The following CDH16 variants were observed in gnomAD, a reference collection of about 807,000 sequenced individuals.
CDH16 encodes cadherin 16.
Under a neutral mutation model 87.6 loss-of-function variants are expected in CDH16, and 79 were observed. That is an observed-to-expected ratio of 0.90 (90% CI 0.75 to 1.09). CDH16 has a LOEUF of 1.09. CDH16 is among the 50% of genes least tolerant of loss of function. CDH16 has a pLI of 0.00. For synonymous variants in CDH16, 457 were observed against 439.5 expected, an observed-to-expected ratio of 1.04 and a Z score of -0.50; for missense variants, 1,124 against 1,071.7, an observed-to-expected ratio of 1.05 and a Z score of -0.68.
At chr16:66,917,413 T>C (rs1347899539) in intron 3 of CDH16, among the ~76,000 whole-genome samples, 1 of 152,110 alleles carries the variant, frequency 6.6e-6, no homozygotes, top group African/African-American at 2.4e-5. Context: ...TATCTCATGA[T>C]ATATATGCAA....
At position 66,916,946 on chromosome 16, in the gene CDH16, C is replaced by A. The variant is rs573591137; in HGVS notation, c.130-517G>T. 6.6e-6 allele frequency among the ~76,000 whole-genome samples: 1 copy of A among 152,260 alleles called. No individual in the cohort carries two copies. The highest frequency in any genetic ancestry group is 2.1e-4 in the South Asian group (1 of 4,828). On this transcript the variant is annotated intron_variant, in intron 3 of 17. Coordinates refer to ENST00000299752, the MANE Select transcript of CDH16 (RefSeq NM_004062.4). This position sits in a 1 kb window ranked among gnomAD's most constrained non-coding sequence, Gnocchi z 4.1. ...CAGACTCACACTGGGCTCTTGGCCA[C>A]TCAAGGATTCTGTCGGAATTTCACC...
At position 66,910,077 on chromosome 16, in the gene CDH16, G is replaced by T. The variant is rs751389182; in HGVS notation, c.2184C>A (p.Leu728=). ...LQTLNGSHAY[L]TLALHWVEPR... The stretch of plus-strand genomic sequence containing the variant: ...GCTCCACCCAATGCAGGGCCAAGGT[G>T]AGGTAGGCATGGGAACCTTTTGGGA... Residue 728 remains leucine, a synonymous_variant, in exon 16 of 18, where the codon CTC becomes CTA. Coordinates refer to ENST00000299752, the MANE Select transcript of CDH16 (RefSeq NM_004062.4). The T allele has an allele frequency of 5.0e-6, 8 of 1,612,216 alleles. No individual in the cohort carries two copies. In the East Asian group the frequency reaches 1.3e-4, roughly 27 times the overall value.
At position 66,915,303 on chromosome 16, in the gene CDH16, A is replaced by C; in HGVS notation, c.500T>G (p.Ile167Ser). 6.2e-7 allele frequency: 1 copy of C among 1,613,816 alleles called. No homozygotes were observed. Among genetic ancestry groups the C allele is most frequent in the Non-Finnish European group, 8.5e-7 (1 of 1,179,966 alleles). Reference protein sequence around the residue: ...GTANSDLRFHILSQAPAQPSP... With the variant: ...GTANSDLRFHSLSQAPAQPSP... ...AGGCTGGGCTGGAGCCTGGCTCAGG[A>C]TGTGGAATCGAAGATCCGAGTTGGC... is the stretch of plus-strand genomic sequence containing the variant. Residue 167 changes from isoleucine to serine, a missense_variant, in exon 6 of 18, where the codon ATC becomes AGC. Coordinates refer to ENST00000299752, the MANE Select transcript of CDH16 (RefSeq NM_004062.4).
Position 66,912,367 on chromosome 16 carries a change from T to C in CDH16, c.1423A>G (p.Ile475Val). The C allele has an allele frequency of 1.9e-6, 3 of 1,614,164 alleles. No homozygotes were observed. ...PGTLVAMLTAIDADLEPAFRL... is the reference protein window; with the variant it reads ...PGTLVAMLTAVDADLEPAFRL... ...AAGGCGGGCTCGAGGTCAGCATCAA[T>C]GGCTGTTAGCATGGCCACCAGAGTC... Residue 475 changes from isoleucine (I) to valine (V), a missense_variant, in exon 12 of 18, where the codon ATT becomes GTT. Physicochemically the swap from Ile to Val is conservative, Grantham distance 29. Transcript: ENST00000299752.
chr16:66,916,738 A>C lies in CDH16; in HGVS notation c.130-309T>G, dbSNP rs1962700492. ...AAAATCTGTTAGTCATTCCCACTGC[A>C]GGTTGAGCATCTCTAACCCGAAAAT... is the stretch of plus-strand genomic sequence containing the variant. On this transcript the variant is annotated intron_variant, in intron 3 of 17. Transcript: ENST00000299752. This position sits in a 1 kb window ranked among gnomAD's most constrained non-coding sequence, Gnocchi z 4.1. Among the ~76,000 whole-genome samples the C allele has an allele frequency of 6.6e-6, 1 of 152,340 alleles. No individual in the cohort carries two copies. Among genetic ancestry groups the C allele is most frequent in the South Asian group, 2.1e-4 (1 of 4,830 alleles).
chr16:66,916,128 C>G lies in CDH16; in HGVS notation c.361G>C (p.Asp121His). ...PVLVHVKDEN[D>H]QVPHFSQAIY... ...GCTTGAGAGAAATGGGGCACCTGGT[C>G]ATTCTCATCCTTCACGTGCACAAGC... The change falls in exon 5 of 18, where the codon GAC becomes CAC. Residue 121 changes from aspartate (D) to histidine (H), a missense_variant. By Grantham distance (81) the Asp-to-His change is moderately conservative (BLOSUM62 -1). Transcript: ENST00000299752. The surrounding 1 kb of genome is among the most constrained non-coding windows in gnomAD (Gnocchi z 4.1). 1 of 1,614,234 alleles carries G rather than the reference C, an allele frequency of 6.2e-7. No homozygotes were observed. The highest frequency in any genetic ancestry group is 8.5e-7 in the Non-Finnish European group (1 of 1,180,054).
intron 9 of CDH16, 62 bp downstream of exon 9, chr16:66,913,069 C>A: frequency 6.4e-7 from 1 of 1,551,580 alleles, no homozygotes; most frequent in Admixed American, 1.8e-5. Flanking sequence ...GTCCTTATCC[C>A]AGAGAAGAGC....
Position 66,911,211 on chromosome 16 carries a change from T to C in CDH16, c.1895A>G (p.Tyr632Cys). 1.9e-6 allele frequency: 3 copies of C among 1,613,472 alleles called. No homozygotes were observed. Among genetic ancestry groups the C allele is most frequent in the Non-Finnish European group, 2.5e-6 (3 of 1,179,804 alleles). ...ATCCTGGGCCTCCACAAGCACCGTGTAGGTGTCCCCAGGCTGGGCGCCCTG... is the reference window on the plus strand; with the variant it reads ...ATCCTGGGCCTCCACAAGCACCGTGCAGGTGTCCCCAGGCTGGGCGCCCTG... ...SLQGAQPGDT[Y>C]TVLVEAQDTD... The change falls in exon 14 of 18, where the codon TAC becomes TGC. Residue 632 changes from tyrosine to cysteine, a missense_variant. Physicochemically the swap from Tyr to Cys is radical, Grantham distance 194. Transcript: ENST00000299752.
At chr16:66,918,141 A>T (rs1962771544) in intron 1 of CDH16, 63 bp from the exon 2 acceptor site, 4 of 1,159,284 alleles carry the variant, frequency 3.5e-6, no homozygotes, top group Non-Finnish European at 4.9e-6. Flanking sequence ...CATCCCACAC[A>T]CACAACTAGT....
In CDH16 at chr16:66,917,709, T is replaced by C. The variant is rs774663057; in HGVS notation, c.62A>G (p.Gln21Arg). ...AACTTCCACAGACAGCTCTGCAGGC[T>C]GGGCCTTGGGGAGAGCCTGTGGGAG... ...VSVPQALPKA[Q>R]PAELSVEVPE... The change falls in exon 3 of 18, where the codon CAG becomes CGG. Residue 21 changes from glutamine (Q) to arginine (R), a missense_variant. Coordinates refer to ENST00000299752, the MANE Select transcript of CDH16 (RefSeq NM_004062.4). 1 of 1,612,146 alleles carries C rather than the reference T, an allele frequency of 6.2e-7. No homozygotes were observed.
chr16:66,912,957 C>T, intron 9 of CDH16, 66 bp from the exon 10 acceptor site: 2 of 1,486,406 alleles, frequency 1.3e-6, no homozygotes, highest in Admixed American at 1.7e-5. Flanking sequence ...CCACCCACTC[C>T]TTATTTTGTG....
Position 66,908,480 on chromosome 16 carries a change from A to G in CDH16, c.2402T>C (p.Leu801Pro), listed in dbSNP as rs1276589378. 1.9e-6 allele frequency: 3 copies of G among 1,613,806 alleles called. No individual in the cohort carries two copies. Among genetic ancestry groups the G allele is most frequent in the Non-Finnish European group, 2.5e-6 (3 of 1,179,826 alleles). ...GGTCCAGTGGGTGAAAATGAGGATG[A>G]GGAAGATTCCTGTGGGGCCCAAGAG... ...VGTLVAIGIF[L>P]ILIFTHWTMS... is the part of the protein sequence containing the mutation. The change falls in exon 18 of 18, where the codon CTC becomes CCC. Residue 801 changes from leucine (L) to proline (P), a missense_variant. Transcript: ENST00000299752.
intron 6 of CDH16, 57 bp from the exon 7 acceptor site, chr16:66,914,469 T>A: frequency 7.6e-7 from 1 of 1,315,902 alleles, no homozygotes; most frequent in South Asian, 1.2e-5. Flanking sequence ...GGCCAGGGCA[T>A]CATTCTCAGC....
chr16:66,918,191 A>C, intron 1 of CDH16, 113 bp from the exon 2 acceptor site: 1 of 687,760 alleles, frequency 1.5e-6, no homozygotes. Context: ...CCTCCCCTCC[A>C]AAGGAGCTGA....
At chr16:66,918,356 C>T (rs1465280159) in intron 1 of CDH16, among the ~76,000 whole-genome samples, 1 of 152,236 alleles carries the variant, frequency 6.6e-6, no homozygotes, top group Non-Finnish European at 1.5e-5. Flanking sequence ...ATAGCCTCCC[C>T]AGGCCGCAGA....
chr16:66,908,497 G>A lies in CDH16; in HGVS notation c.2393-8C>T, dbSNP rs764007727. 26 of 1,610,230 alleles carry A rather than the reference G, an allele frequency of 1.6e-5. No homozygotes were observed. Among genetic ancestry groups the A allele is most frequent in the Non-Finnish European group, 1.9e-5 (22 of 1,176,494 alleles). ...TGAGGATGAGGAAGATTCCTGTGGG[G>A]CCCAAGAGGGATGTATCAGGCCTCA... On this transcript the variant is annotated splice_region_variant and splice_polypyrimidine_tract_variant and intron_variant, in intron 17 of 17. Coordinates refer to ENST00000299752, the MANE Select transcript of CDH16 (RefSeq NM_004062.4).
Position 66,908,441 on chromosome 16 carries a change from T to C in CDH16, c.2441A>G (p.Lys814Arg), listed in dbSNP as rs1466064647. The C allele has an allele frequency of 6.2e-7, 1 of 1,613,954 alleles. No homozygotes were observed. Among genetic ancestry groups the C allele is most frequent in the Non-Finnish European group, 8.5e-7 (1 of 1,179,976 alleles). ...IFTHWTMSRK[K>R]DPDQPADSVP... ...GCTGTCTGCTGGTTGATCCGGGTCCTTCTTCCTTGACATGGTCCAGTGGGT... is the reference window on the plus strand; with the variant it reads ...GCTGTCTGCTGGTTGATCCGGGTCCCTCTTCCTTGACATGGTCCAGTGGGT... The change falls in exon 18 of 18, where the codon AAG becomes AGG. Residue 814 changes from lysine (K) to arginine (R), a missense_variant. Coordinates refer to ENST00000299752, the MANE Select transcript of CDH16 (RefSeq NM_004062.4).
intron 5 of CDH16, 67 bp from the exon 6 acceptor site, chr16:66,915,445 C>T: frequency 2.0e-6 from 3 of 1,505,410 alleles, no homozygotes; most frequent in South Asian, 2.4e-5. Flanking sequence ...CATGCCTCTC[C>T]TATTTCTCCT....
intron 17 of CDH16, 72 bp from the exon 18 acceptor site, chr16:66,908,561 T>G: frequency 8.7e-7 from 1 of 1,155,294 alleles, no homozygotes; most frequent in Non-Finnish European, 1.3e-6. Context: ...AGGGACTTCC[T>G]GTGATTGGCA....
Sources: gnomAD v4.1 joint callset for allele counts (sites outside exome capture counted in the v4.1 genomes callset) on GRCh38, gnomAD v4.1.1 for gene constraint, Gnocchi (gnomAD v3.1) non-coding constraint, MANE v1.5 for transcripts, NCBI Gene and HGNC (gene_info 2026-07-23, HGNC 2026-07-21) for gene names.